The following CNTN4 variants were observed in gnomAD, a reference collection of about 807,000 sequenced individuals.
CNTN4 encodes contactin 4, also known as contactin-4.
Under a neutral mutation model 122.5 loss-of-function variants are expected in CNTN4, and 77 were observed. The ratio of observed to expected loss-of-function variants is 0.63; its 90% CI spans 0.52 to 0.76. The LOEUF (loss-of-function observed/expected upper bound fraction) is 0.76. CNTN4 is among the 30% of genes least tolerant of loss of function. The pLI is 0.00. For missense variants in CNTN4, 1,256 were observed against 1,259.1 expected, an observed-to-expected ratio of 1.00 and a Z score of 0.04; for synonymous variants, 512 against 447.0, an observed-to-expected ratio of 1.15 and a Z score of -1.83.
chr3:2,918,080 A>G lies in CNTN4; in HGVS notation c.1208-7549A>G, dbSNP rs140253725. ...AATGTGATGAAAATGAACATAGCAC[A>G]AAGGCAAAATATATGCTCTCATTGC... On this transcript the variant is annotated intron_variant, in intron 12 of 24. Transcript: ENST00000418658. 3.0e-4 allele frequency among the ~76,000 whole-genome samples: 46 copies of G among 152,354 alleles called. 1 individual carries two copies. Among genetic ancestry groups the G allele is most frequent in the African/African-American group, 1.1e-3 (44 of 41,580 alleles).
chr3:2,554,329 A>G (rs971256463), intron 3 of CNTN4, among the ~76,000 whole-genome samples: 8 of 151,910 alleles, frequency 5.3e-5, no homozygotes, highest in African/African-American at 1.5e-4. Context: ...TAATTTCTAA[A>G]CAGGATTTAG....
At chr3:2,120,738 C>T (rs772616522) in intron 2 of CNTN4, among the ~76,000 whole-genome samples, 36 of 151,856 alleles carry the variant, frequency 2.4e-4, no homozygotes, top group Admixed American at 3.9e-4. Context: ...GTGACTCTCA[C>T]GAGTGTGGAC....
chr3:2,515,067 G>A (rs1373743422), intron 3 of CNTN4, among the ~76,000 whole-genome samples: 2 of 152,060 alleles, frequency 1.3e-5, no homozygotes, highest in South Asian at 2.1e-4. Flanking sequence ...CTTTAGAAAC[G>A]AGGTTCGGAT....
At chr3:2,430,605 G>T in intron 3 of CNTN4, among the ~76,000 whole-genome samples, 1 of 99,610 alleles carries the variant, frequency 1.0e-5, no homozygotes. Context: ...TTTTTATTGG[G>T]AGCAAATTAC....
At chr3:2,191,346 C>A (rs1423891494) in intron 2 of CNTN4, among the ~76,000 whole-genome samples, 1 of 151,948 alleles carries the variant, frequency 6.6e-6, no homozygotes, top group East Asian at 1.9e-4. Context: ...ACAAGGAAAC[C>A]ATTACTGATC....
chr3:2,355,879 A>G (rs867517463), intron 3 of CNTN4, among the ~76,000 whole-genome samples: 11 of 152,214 alleles, frequency 7.2e-5, no homozygotes, highest in Non-Finnish European at 1.5e-4. Flanking sequence ...ATTGCCATCA[A>G]TGCTCAATTG....
intron 3 of CNTN4, among the ~76,000 whole-genome samples, chr3:2,550,868 C>G (rs2078471106): frequency 6.6e-6 from 1 of 152,082 alleles, no homozygotes; most frequent in South Asian, 2.1e-4. Flanking sequence ...CCAAACACCA[C>G]ATGTTATCTC....
At chr3:2,157,075 G>T (rs909452850) in intron 2 of CNTN4, among the ~76,000 whole-genome samples, 4 of 152,136 alleles carry the variant, frequency 2.6e-5, no homozygotes, top group African/African-American at 9.7e-5. Context: ...AGATATGTGT[G>T]TCATTGAGTC....
chr3:2,603,072 T>G (rs2081114717), intron 4 of CNTN4, among the ~76,000 whole-genome samples: 1 of 151,934 alleles, frequency 6.6e-6, no homozygotes, highest in Non-Finnish European at 1.5e-5. Context: ...ATTTTGAAAT[T>G]GTTGAGTATT....
chr3:2,425,724 C>A (rs1327668230), intron 3 of CNTN4, among the ~76,000 whole-genome samples: 1 of 148,970 alleles, frequency 6.7e-6, no homozygotes, highest in Non-Finnish European at 1.5e-5. Context: ...TCTTCCATTT[C>A]TGTCCTCTTT....
intron 4 of CNTN4, among the ~76,000 whole-genome samples, chr3:2,686,850 GT>G (rs1248603641): frequency 6.6e-6 from 1 of 152,164 alleles, no homozygotes; most frequent in African/African-American, 2.4e-5. Context: ...CCCACTCTGG[GT>G]TGAATTCCTA....
chr3:3,022,093 A>G lies in CNTN4; in HGVS notation c.1487-4009A>G, dbSNP rs528691528. Among the ~76,000 whole-genome samples, 481 of 144,482 alleles carry G rather than the reference A, an allele frequency of 3.3e-3. 3 individuals are homozygous for G. The highest frequency in any genetic ancestry group is 0.012 in the African/African-American group (463 of 39,452). The allele number at this position is 144,482 out of a possible 152,430, so 94.8% of individuals were successfully genotyped here. On this transcript the variant is annotated intron_variant, in intron 14 of 24. Transcript: ENST00000418658. ...ATTCAAAAAAAAAAAAAAAAAAAAG[A>G]ATTAGTTGGGCATGGTGGTGTGCAC...
intron 6 of CNTN4, among the ~76,000 whole-genome samples, chr3:2,809,497 C>A (rs191686334): frequency 2.0e-5 from 3 of 152,248 alleles, no homozygotes; most frequent in African/African-American, 7.2e-5. Context: ...TCCTGAAGGG[C>A]CTTTGCAGAG....
At chr3:2,243,684 A>G (rs2040028087) in intron 2 of CNTN4, among the ~76,000 whole-genome samples, 2 of 152,096 alleles carry the variant, frequency 1.3e-5, no homozygotes, top group Admixed American at 6.6e-5. Flanking sequence ...GTAGTTCACT[A>G]TGGACAAGTT....
At chr3:3,003,323 C>A (rs170947) in intron 14 of CNTN4, among the ~76,000 whole-genome samples, 91,093 of 151,832 alleles carry the variant, frequency 0.6, 29,378 homozygotes, top group African/African-American at 0.85. Flanking sequence ...ATAATAGCCA[C>A]AGTGAAATCA....
intron 14 of CNTN4, among the ~76,000 whole-genome samples, chr3:3,001,356 A>C (rs186038913): frequency 1.1e-3 from 173 of 152,368 alleles, no homozygotes; most frequent in Non-Finnish European, 2.1e-3. Flanking sequence ...AGAATTCCTC[A>C]TTGTTTTTTC....
At chr3:2,857,864 C>T (rs546378398) in intron 7 of CNTN4, among the ~76,000 whole-genome samples, 2 of 152,290 alleles carry the variant, frequency 1.3e-5, no homozygotes, top group East Asian at 1.9e-4. Flanking sequence ...ATTTCAGCAC[C>T]CCACTTTTAT....
intron 3 of CNTN4, among the ~76,000 whole-genome samples, chr3:2,370,865 T>G (rs546664344): frequency 1.3e-3 from 205 of 152,166 alleles, no homozygotes; most frequent in Non-Finnish European, 2.5e-3. Context: ...TGGTGGAAGA[T>G]TAGGCATGCA....
intron 2 of CNTN4, among the ~76,000 whole-genome samples, chr3:2,132,937 G>A (rs2034520013): frequency 2.0e-5 from 3 of 152,198 alleles, no homozygotes; most frequent in South Asian, 2.1e-4. Flanking sequence ...CAGCAGTTGG[G>A]ACAGGCTGCC....
Sources: gnomAD v4.1 joint callset for allele counts (sites outside exome capture counted in the v4.1 genomes callset) on GRCh38, gnomAD v4.1.1 for gene constraint, MANE v1.5 for transcripts, NCBI Gene and HGNC (gene_info 2026-07-23, HGNC 2026-07-21) for gene names.